Variants in YAF2 observed in about 807,000 individuals in gnomAD.
The protein encoded by YAF2 is YY1 associated factor 2.
A neutral mutation model predicts 20.1 loss-of-function variants in YAF2; 7 were observed. The ratio of observed to expected loss-of-function variants is 0.35; its 90% CI spans 0.20 to 0.65. The LOEUF is 0.65. YAF2 is among the 30% of genes least tolerant of loss of function. YAF2 has a pLI of 0.69. For synonymous variants in YAF2, 74 were observed against 76.0 expected (o/e 0.97, Z 0.14); for missense variants, 151 against 219.2 (o/e 0.69, Z 1.96).
chr12:42,196,864 T>G (rs912082441), intron 2 of YAF2, among the ~76,000 whole-genome samples: 2 of 152,170 alleles, frequency 1.3e-5, no homozygotes, highest in African/African-American at 4.8e-5. Context: ...CCACCAGTCA[T>G]TTGATCCTGC....
At chr12:42,185,895 T>C (rs1043512874) in intron 2 of YAF2, among the ~76,000 whole-genome samples, 1 of 152,186 alleles carries the variant, frequency 6.6e-6, no homozygotes, top group Non-Finnish European at 1.5e-5. Flanking sequence ...AAATTTATTT[T>C]TTAATTTTAA....
At chr12:42,222,093 A>T (rs979574856) in intron 2 of YAF2, among the ~76,000 whole-genome samples, 1 of 152,238 alleles carries the variant, frequency 6.6e-6, no homozygotes, top group Non-Finnish European at 1.5e-5. Context: ...CACAGCTCAT[A>T]TAACAAAAGG....
chr12:42,191,997 G>A (rs1170523160), intron 2 of YAF2, among the ~76,000 whole-genome samples: 2 of 151,494 alleles, frequency 1.3e-5, no homozygotes, highest in Non-Finnish European at 2.9e-5. Flanking sequence ...ACCCAAGATC[G>A]TGCCTCTGCA....
chr12:42,198,825 C>T (rs1315880481), intron 2 of YAF2, among the ~76,000 whole-genome samples: 1 of 152,132 alleles, frequency 6.6e-6, no homozygotes, highest in Non-Finnish European at 1.5e-5. Flanking sequence ...AGCAGAATTA[C>T]ATAACACCAA....
In YAF2 at chr12:42,158,267, T is replaced by C. The variant is rs1478827139; in HGVS notation, c.*2322A>G. 1 of 152,192 alleles carries C rather than the reference T, an allele frequency of 6.6e-6. No individual in the cohort carries two copies. Among genetic ancestry groups the C allele is most frequent in the Non-Finnish European group, 1.5e-5 (1 of 68,028 alleles). 9.4% of individuals were successfully genotyped at this position (152,192 alleles called of 1,614,324 possible). On this transcript the variant is annotated 3_prime_UTR_variant, in exon 4 of 4. Transcript: ENST00000534854. Reference sequence around the variant, plus strand: ...GCACACCCACCAGGTTCTTTAATTATGGAAAGATGGTCTTTCTGCATCCAG... The same window carrying C: ...GCACACCCACCAGGTTCTTTAATTACGGAAAGATGGTCTTTCTGCATCCAG...
intron 2 of YAF2, chr12:42,210,591 C>T (rs2067179800): frequency 6.5e-7 from 1 of 1,535,974 alleles, no homozygotes; most frequent in African/African-American, 1.4e-5. Context: ...GTCCTCGAGG[C>T]ACTCACAATA....
At chr12:42,165,025 A>T (rs1438325703) in intron 2 of YAF2, among the ~76,000 whole-genome samples, 1 of 148,800 alleles carries the variant, frequency 6.7e-6, no homozygotes, top group African/African-American at 2.5e-5. Context: ...ACTGCATTCC[A>T]CCCTGGGTGA....
At chr12:42,234,206 AAAG>A (rs1423655984) in intron 2 of YAF2, 14 of 167,598 alleles carry the variant, frequency 8.4e-5, no homozygotes, top group African/African-American at 2.6e-4. Flanking sequence ...AAAGAAAAGA[AAAG>A]AAAAGAAAAG....
intron 2 of YAF2, among the ~76,000 whole-genome samples, chr12:42,226,668 A>G (rs1477210007): frequency 6.6e-6 from 1 of 152,162 alleles, no homozygotes; most frequent in Non-Finnish European, 1.5e-5. Flanking sequence ...TGTCTCAGAA[A>G]ATAAATAAAT....
intron 2 of YAF2, among the ~76,000 whole-genome samples, chr12:42,224,510 A>G (rs761997661): frequency 2.0e-5 from 3 of 152,014 alleles, no homozygotes; most frequent in Non-Finnish European, 4.4e-5. Context: ...CAATTCTTCT[A>G]ATGCTATCCC....
intron 2 of YAF2, chr12:42,210,496 G>A (rs1465009331): frequency 5.2e-6 from 8 of 1,535,786 alleles, no homozygotes; most frequent in East Asian, 2.4e-5. Flanking sequence ...AAGAAAGTTT[G>A]GGGGAGGGGA....
intron 2 of YAF2, among the ~76,000 whole-genome samples, chr12:42,213,076 G>A (rs1260760719): frequency 1.3e-5 from 2 of 152,214 alleles, no homozygotes; most frequent in Non-Finnish European, 2.9e-5. Flanking sequence ...AGGCACGGTG[G>A]CTCAAGCCTG....
At chr12:42,161,544 A>C in intron 3 of YAF2, 69 bp downstream of exon 3, 1 of 1,463,228 alleles carries the variant, frequency 6.8e-7, no homozygotes, top group South Asian at 1.4e-5. Context: ...GTATATTAGT[A>C]TGTCAAGGTT....
chr12:42,173,826 A>G (rs953201302), intron 2 of YAF2, among the ~76,000 whole-genome samples: 3 of 152,198 alleles, frequency 2.0e-5, no homozygotes, highest in Non-Finnish European at 4.4e-5. Context: ...ATCATGTGCT[A>G]TTTTATCAAG....
rs1379766277 is a variant in YAF2, at chr12:42,159,461, T to G, written c.*1128A>C. The G allele has an allele frequency of 6.6e-6, 1 of 152,130 alleles. No homozygotes were observed. Among genetic ancestry groups the G allele is most frequent in the Non-Finnish European group, 1.5e-5 (1 of 67,968 alleles). The allele number at this position is 152,130 out of a possible 1,614,324, so 9.4% of individuals were successfully genotyped here. The stretch of plus-strand genomic sequence containing the variant: ...AAAATCTGTAGTCATAAAAATATTT[T>G]ATTGGTAATTTTACATAGTATAAGT... On this transcript the variant is annotated 3_prime_UTR_variant, in exon 4 of 4. Coordinates refer to ENST00000534854, the MANE Select transcript of YAF2 (RefSeq NM_005748.6).
chr12:42,229,916 C>T (rs527398701), intron 2 of YAF2, among the ~76,000 whole-genome samples: 1 of 152,312 alleles, frequency 6.6e-6, no homozygotes, highest in Non-Finnish European at 1.5e-5. Context: ...ACTCTACATA[C>T]ATAGAATCAA....
intron 2 of YAF2, among the ~76,000 whole-genome samples, chr12:42,228,397 C>A (rs1172333475): frequency 1.6e-5 from 1 of 61,608 alleles, no homozygotes; most frequent in Non-Finnish European, 2.9e-5. Flanking sequence ...CCTCTCTGCC[C>A]GGCCAGCCGC....
At position 42,160,546 on chromosome 12, in the gene YAF2, C is replaced by T. The variant is rs563396579; in HGVS notation, c.*43G>A. 2.0e-6 allele frequency: 3 copies of T among 1,472,840 alleles called. No homozygotes were observed. The highest frequency in any genetic ancestry group is 1.4e-5 in the African/African-American group (1 of 71,680). 91.2% of individuals were successfully genotyped at this position (1,472,840 alleles called of 1,614,324 possible). On this transcript the variant is annotated 3_prime_UTR_variant, in exon 4 of 4. Coordinates refer to ENST00000534854, the MANE Select transcript of YAF2 (RefSeq NM_005748.6). The stretch of plus-strand genomic sequence containing the variant: ...CCTCTTGGCATAATCTGTGTATTTG[C>T]ATGGTAGGACAGAAGTGACTAAGAA...
intron 2 of YAF2, among the ~76,000 whole-genome samples, chr12:42,187,707 C>T (rs1444211645): frequency 6.6e-6 from 1 of 152,164 alleles, no homozygotes; most frequent in Non-Finnish European, 1.5e-5. Context: ...TATTGTCTTA[C>T]AAATAAGTAT....
Sources: gnomAD v4.1 joint callset for allele counts (sites outside exome capture counted in the v4.1 genomes callset) on GRCh38, gnomAD v4.1.1 for gene constraint, MANE v1.5 for transcripts, NCBI Gene and HGNC (gene_info 2026-07-23, HGNC 2026-07-21) for gene names.